Variants in SPIB observed in about 807,000 individuals in gnomAD.
SPIB encodes Spi-B transcription factor.
In SPIB, 7 loss-of-function variants were observed where a neutral mutation model predicts 31.9. That is an observed-to-expected ratio of 0.22 (90% confidence interval 0.12 to 0.41). SPIB has a LOEUF of 0.41. SPIB is among the 10% of genes least tolerant of loss of function. The probability of loss-of-function intolerance (pLI) is 1.00; values close to 1 mark genes in which losing one functional copy is unlikely to be tolerated. For synonymous variants in SPIB, 176 were observed against 158.9 expected, an observed-to-expected ratio of 1.11 and a Z score of -0.81; for missense variants, 327 against 360.2, an observed-to-expected ratio of 0.91 and a Z score of 0.75.
In SPIB at chr19:50,422,524, C is replaced by A; in HGVS notation, c.103C>A (p.Pro35Thr). ...DLDSCKHSSY[P>T]DSEGAPDSLW... ...GGACAGCTGCAAGCATTCCAGCTAC[C>A]CTGATTCAGAGGGGGCTCCTGGTGA... The change falls in exon 3 of 6, where the codon CCT becomes ACT. Residue 35 changes from proline to threonine, a missense_variant. Transcript: ENST00000595883. 1 of 1,613,998 alleles carries A rather than the reference C, an allele frequency of 6.2e-7. No homozygotes were observed. Among genetic ancestry groups the A allele is most frequent in the Non-Finnish European group, 8.5e-7 (1 of 1,179,952 alleles).
At position 50,430,212 on chromosome 19, in the gene SPIB, C is replaced by A. The variant is rs949718877; in HGVS notation, c.*1876C>A. 1 of 152,218 alleles carries A rather than the reference C, an allele frequency of 6.6e-6. No individual in the cohort carries two copies. Among genetic ancestry groups the A allele is most frequent in the Non-Finnish European group, 1.5e-5 (1 of 68,116 alleles). The allele number at this position is 152,218 out of a possible 1,614,324, so 9.4% of individuals were successfully genotyped here. ...TCGCTGCCATCCCTGGCTATCTCAC[C>A]CTAGCAGCTTCTCAAGCCTGTTGGC... On this transcript the variant is annotated 3_prime_UTR_variant, in exon 6 of 6. Transcript: ENST00000595883.
intron 2 of SPIB, among the ~76,000 whole-genome samples, chr19:50,420,589 T>C (rs2039482228): frequency 6.6e-6 from 1 of 152,212 alleles, no homozygotes. Flanking sequence ...TTCTCTGATA[T>C]TTTCCGCCAC....
intron 2 of SPIB, among the ~76,000 whole-genome samples, chr19:50,421,584 G>A (rs2039495481): frequency 6.6e-6 from 1 of 151,432 alleles, no homozygotes; most frequent in Admixed American, 6.6e-5. Flanking sequence ...GCCTTCCAAA[G>A]TGCTGGGATT....
In SPIB at chr19:50,428,147, C is replaced by T. The variant is rs2122559105; in HGVS notation, c.600C>T (p.Phe200=). 6 of 1,587,932 alleles carry T rather than the reference C, an allele frequency of 3.8e-6. No individual in the cohort carries two copies. Among genetic ancestry groups the T allele is most frequent in the East Asian group, 2.3e-5 (1 of 43,868 alleles). Residue 200 remains phenylalanine, a synonymous_variant, in exon 6 of 6, where the codon TTC becomes TTT. Transcript: ENST00000595883. The surrounding 1 kb of genome is among the most constrained non-coding windows in gnomAD (Gnocchi z 6.5). The part of the protein sequence containing the change: ...WVEPGAGVFQ[F]SSKHKELLAR... Reference sequence around the variant, plus strand: ...AGCCAGGCGCCGGCGTCTTCCAGTTCTCCTCCAAGCACAAGGAACTCCTGG... The same window carrying T: ...AGCCAGGCGCCGGCGTCTTCCAGTTTTCCTCCAAGCACAAGGAACTCCTGG...
chr19:50,430,142 C>T lies in SPIB; in HGVS notation c.*1806C>T, dbSNP rs1008827533. 6.6e-6 allele frequency: 1 copy of T among 152,312 alleles called. No homozygotes were observed. Among genetic ancestry groups the T allele is most frequent in the Non-Finnish European group, 1.5e-5 (1 of 68,140 alleles). 9.4% of individuals were successfully genotyped at this position (152,312 alleles called of 1,614,324 possible). ...TGGGGGGTGGGGAGCTGGAACAGGA[C>T]AGTAGCCTTTCCTAATGAGGCATTT... is the stretch of plus-strand genomic sequence containing the variant. On this transcript the variant is annotated 3_prime_UTR_variant, in exon 6 of 6. Coordinates refer to ENST00000595883, the MANE Select transcript of SPIB (RefSeq NM_003121.5).
chr19:50,422,557 C>T lies in SPIB; in HGVS notation c.124+12C>T. 6.2e-7 allele frequency: 1 copy of T among 1,613,222 alleles called. No homozygotes were observed. Among genetic ancestry groups the T allele is most frequent in the East Asian group, 2.2e-5 (1 of 44,854 alleles). On this transcript the variant is annotated intron_variant, in intron 3 of 5. Coordinates refer to ENST00000595883, the MANE Select transcript of SPIB (RefSeq NM_003121.5). ...AGAGGGGGCTCCTGGTGAGTGACCC[C>T]AGCCCTGTGCCCTTCCTGCCTTGGG...
chr19:50,425,180 ATTT>A lies in SPIB; in HGVS notation c.490+1428_490+1430del, dbSNP rs540776488. ...CACACCATACCCAGCTATTTTTTGT[ATTT>A]TTAGTAGAGATGGGGTTTCACCATC... On this transcript the variant is annotated intron_variant, in intron 5 of 5. Coordinates refer to ENST00000595883, the MANE Select transcript of SPIB (RefSeq NM_003121.5). Among the ~76,000 whole-genome samples the A allele has an allele frequency of 6.6e-4, 100 of 150,986 alleles. 1 individual carries two copies. The South Asian group carries it at 0.021, about 31-fold the overall frequency.
chr19:50,425,130 C>T (rs555600417), intron 5 of SPIB, among the ~76,000 whole-genome samples: 115 of 152,048 alleles, frequency 7.6e-4, no homozygotes, highest in African/African-American at 2.5e-3. Context: ...CCTCAGCCTC[C>T]GCAGTAGCTG....
At chr19:50,421,807 G>T (rs888794630) in intron 2 of SPIB, among the ~76,000 whole-genome samples, 122 of 152,248 alleles carry the variant, frequency 8.0e-4, no homozygotes, top group Non-Finnish European at 1.6e-3. Flanking sequence ...TAGAGATGGG[G>T]TTTCCCCATG....
At chr19:50,420,585 G>C (rs914640602) in intron 2 of SPIB, among the ~76,000 whole-genome samples, 5 of 152,132 alleles carry the variant, frequency 3.3e-5, no homozygotes, top group Non-Finnish European at 5.9e-5. Flanking sequence ...ACCTTTCTCT[G>C]ATATTTTCCG....
chr19:50,420,101 G>C, intron 2 of SPIB, 128 bp downstream of exon 2: 1 of 762,654 alleles, frequency 1.3e-6, no homozygotes. Flanking sequence ...GCTCCCCCTT[G>C]GTATCTCCTG....
rs554321731 is a variant in SPIB at position 50,429,999 on chromosome 19, C to G, written c.*1663C>G. The stretch of plus-strand genomic sequence containing the variant: ...CCTGGGGGACAGAGCGAGACTCCGT[C>G]TGAAAATAAAAACAACAAAAACAGC... On this transcript the variant is annotated 3_prime_UTR_variant, in exon 6 of 6. Transcript: ENST00000595883. 1 of 152,314 alleles carries G rather than the reference C, an allele frequency of 6.6e-6. No individual in the cohort carries two copies. The highest frequency in any genetic ancestry group is 1.9e-4 in the East Asian group (1 of 5,180). The allele number at this position is 152,314 out of a possible 1,614,324, so 9.4% of individuals were successfully genotyped here.
chr19:50,422,658 C>T, intron 3 of SPIB, 113 bp downstream of exon 3: 2 of 1,236,354 alleles, frequency 1.6e-6, no homozygotes, highest in African/African-American at 1.5e-5. Flanking sequence ...GTGGCCCGGG[C>T]CTATAGCCCT....
Position 50,418,970 on chromosome 19 carries a change from C to A in SPIB, c.8C>A (p.Ala3Asp). ML[A>D]LEAAQLDGPH... is the part of the protein sequence containing the mutation. ...AGCCCGCCCGGCACCACCATGCTCG[C>A]CCTGGAGGCTGCACAGTAAGTGAGG... Residue 3 changes from alanine to aspartate, a missense_variant, in exon 1 of 6, where the codon GCC (alanine) becomes GAC (aspartate). Physicochemically the swap from Ala to Asp is moderately radical, Grantham distance 126 (BLOSUM62 -2). Transcript: ENST00000595883. The surrounding 1 kb of genome is among the most constrained non-coding windows in gnomAD (Gnocchi z 6.0). The A allele has an allele frequency of 6.4e-7, 1 of 1,554,188 alleles. No individual in the cohort carries two copies. Among genetic ancestry groups the A allele is most frequent in the Non-Finnish European group, 8.7e-7 (1 of 1,149,108 alleles).
chr19:50,428,022 C>CCCGACCCCA lies in SPIB; in HGVS notation c.491-12_491-4dup, dbSNP rs377328780. Reference sequence around the variant, plus strand: ...AGGGACCCCTCACCTAACGCGTGCCCCCGACCCCACCGCAGGGACTCGCAA... The same window carrying CCCGACCCCA: ...AGGGACCCCTCACCTAACGCGTGCCCCCGACCCCACCGACCCCACCGCAGGGACTCGCAA... On this transcript the variant is annotated splice_polypyrimidine_tract_variant and intron_variant, in intron 5 of 5. Coordinates refer to ENST00000595883, the MANE Select transcript of SPIB (RefSeq NM_003121.5). The surrounding 1 kb of genome is among the most constrained non-coding windows in gnomAD (Gnocchi z 6.5). The CCCGACCCCA allele has an allele frequency of 3.3e-6, 5 of 1,495,128 alleles. No individual in the cohort carries two copies. The African/African-American group carries it at 7.0e-5, about 21-fold the overall frequency. 92.6% of individuals were successfully genotyped at this position (1,495,128 alleles called of 1,614,324 possible).
chr19:50,424,960 AAAAC>A (rs112201001), intron 5 of SPIB, among the ~76,000 whole-genome samples: 2 of 150,462 alleles, frequency 1.3e-5, no homozygotes, highest in Non-Finnish European at 3.0e-5. Flanking sequence ...CTCCGTCTCA[AAAAC>A]AAACAAACAA....
chr19:50,427,602 G>C (rs1051515127), intron 5 of SPIB, among the ~76,000 whole-genome samples: 1 of 152,224 alleles, frequency 6.6e-6, no homozygotes, highest in African/African-American at 2.4e-5. Context: ...TTTGGGCTGA[G>C]AGGCTGGGAG....
At position 50,428,200 on chromosome 19, in the gene SPIB, A is replaced by G; in HGVS notation, c.653A>G (p.Asn218Ser). The G allele has an allele frequency of 6.3e-7, 1 of 1,588,332 alleles. No individual in the cohort carries two copies. Among genetic ancestry groups the G allele is most frequent in the Non-Finnish European group, 8.6e-7 (1 of 1,167,426 alleles). The change falls in exon 6 of 6, where the codon AAC becomes AGC. Residue 218 changes from asparagine (N) to serine (S), a missense_variant. By Grantham distance (46) the Asn-to-Ser change is conservative. Transcript: ENST00000595883. This position sits in a 1 kb window ranked among gnomAD's most constrained non-coding sequence, Gnocchi z 6.5. ...CGCCGCTGGGGCCAGCAGAAGGGGA[A>G]CCGCAAGCGCATGACCTACCAGAAG... is the stretch of plus-strand genomic sequence containing the variant. The part of the protein sequence containing the change: ...LARRWGQQKG[N>S]RKRMTYQKLA...
chr19:50,421,371 G>A (rs1419825344), intron 2 of SPIB, among the ~76,000 whole-genome samples: 1 of 152,124 alleles, frequency 6.6e-6, no homozygotes, highest in Non-Finnish European at 1.5e-5. Flanking sequence ...TCGCCGGGCT[G>A]GAGTACAGTG....
Sources: allele counts gnomAD v4.1 joint callset (sites outside exome capture counted in the v4.1 genomes callset), GRCh38; gene constraint gnomAD v4.1.1; non-coding constraint Gnocchi (gnomAD v3.1); transcripts MANE v1.5; gene names NCBI Gene and HGNC (gene_info 2026-07-23, HGNC 2026-07-21).